Variants in CD36 observed in about 807,000 individuals in gnomAD.
The protein encoded by CD36 is platelet glycoprotein 4.
CD36 carries 119 observed loss-of-function variants against 55.2 expected under a neutral mutation model. The ratio of observed to expected loss-of-function variants is 2.15; its 90% confidence interval spans 1.86 to 2.51. The LOEUF is 2.51. CD36 is among the 30% of genes most tolerant of loss of function. The pLI is 0.00. For missense variants in CD36, 819 were observed against 555.5 expected, an observed-to-expected ratio of 1.47 and a Z score of -4.77; for synonymous variants, 186 against 193.6, an observed-to-expected ratio of 0.96 and a Z score of 0.33.
chr7:80,634,844 C>T (rs1003450775), upstream of CD36, among the ~76,000 whole-genome samples: 16 of 151,586 alleles, frequency 1.1e-4, no homozygotes, highest in African/African-American at 3.9e-4. Flanking sequence ...GCTTTCAAAG[C>T]ATGATACAAT....
chr7:80,631,675 T>C (rs2116107247), intron 1 of CD36, among the ~76,000 whole-genome samples: 1 of 152,018 alleles, frequency 6.6e-6, no homozygotes, highest in African/African-American at 2.4e-5. Flanking sequence ...TTATGTATTA[T>C]AGAATAGTAG....
rs1022838259 is a variant in CD36 at position 80,629,857 on chromosome 7, T to C, written c.-183-16231T>C. Among the ~76,000 whole-genome samples the C allele has an allele frequency of 8.6e-5, 13 of 151,338 alleles. No individual in the cohort carries two copies. In the East Asian group the frequency reaches 2.5e-3, roughly 30 times the overall value. ...TTGCCTATTTTTAGTTTAAATCTTA[T>C]TCACCTAGATTGTCTGGAGACTGAT... On this transcript the variant is annotated intron_variant, in intron 1 of 13. Transcript: ENST00000309881.
At chr7:80,663,405 A>G (rs1472801197) in intron 6 of CD36, among the ~76,000 whole-genome samples, 3 of 152,100 alleles carry the variant, frequency 2.0e-5, no homozygotes, top group African/African-American at 7.2e-5. Context: ...TAAGGTTTCT[A>G]CTCATTTATA....
At chr7:80,649,851 T>A (rs1464064291) in intron 3 of CD36, among the ~76,000 whole-genome samples, 1 of 151,862 alleles carries the variant, frequency 6.6e-6, no homozygotes, top group East Asian at 1.9e-4. Flanking sequence ...AATGATCTTA[T>A]ATGAAGAAAC....
chr7:80,674,001 G>T lies in CD36; in HGVS notation c.1273G>T (p.Glu425Ter), dbSNP rs543879836. ...WLNETGTIGD[E>*]KANMFRSQVT... ...ATTACAGACTGGGACCATTGGTGAT[G>T]AGAAGGCAAACATGTTCAGAAGTCA... The change falls in exon 14 of 15, where the codon GAG becomes TAG. Residue 425 changes from glutamate (E) to a stop codon, truncating the protein, a stop_gained. Transcript: ENST00000447544. LOFTEE classifies it high-confidence loss of function. 1 of 1,612,062 alleles carries T rather than the reference G, an allele frequency of 6.2e-7. No homozygotes were observed.
chr7:80,621,099 T>C (rs767611904), intron 1 of CD36, among the ~76,000 whole-genome samples: 1 of 152,206 alleles, frequency 6.6e-6, no homozygotes, highest in Non-Finnish European at 1.5e-5. Flanking sequence ...TCAGTAGCCA[T>C]CAATATCCAG....
intron 8 of CD36, among the ~76,000 whole-genome samples, chr7:80,667,027 T>G (rs368765791): frequency 1.3e-5 from 2 of 152,236 alleles, no homozygotes; most frequent in African/African-American, 2.4e-5. Flanking sequence ...ATGTAAAAAA[T>G]GAGCATTCAT....
In CD36 at chr7:80,673,889, T is replaced by C. The variant is rs3817556; in HGVS notation, c.1255-94T>C. On this transcript the variant is annotated intron_variant, in intron 13 of 14. Transcript: ENST00000447544. ...TATAGATACTGATGACTAACACCAATAGAGGTGTTAGAAAAAAGGGTGATA... is the reference window on the plus strand; with the variant it reads ...TATAGATACTGATGACTAACACCAACAGAGGTGTTAGAAAAAAGGGTGATA... The C allele has an allele frequency of 7.7e-3, 6,796 of 886,228 alleles. 399 individuals are homozygous for C. The East Asian group carries it at 0.13, about 17-fold the overall frequency. 54.9% of individuals were successfully genotyped at this position (886,228 alleles called of 1,614,324 possible). A position where few individuals can be genotyped will look rare whatever the true frequency, so the allele number is the denominator to read the frequency against.
At chr7:80,665,862 T>C (rs939732949) in intron 7 of CD36, 8 of 152,672 alleles carry the variant, frequency 5.2e-5, no homozygotes, top group African/African-American at 1.9e-4. Flanking sequence ...ATATAGCTTA[T>C]TTAGACAGCA....
upstream of CD36, among the ~76,000 whole-genome samples, chr7:80,635,012 A>G (rs1056360404): frequency 2.6e-5 from 4 of 152,148 alleles, no homozygotes; most frequent in African/African-American, 9.7e-5. Context: ...GGACAAAGCA[A>G]TTTATGGAAA....
intron 9 of CD36, chr7:80,670,507 T>C (rs528955972): frequency 4.6e-6 from 1 of 219,590 alleles, no homozygotes. Context: ...TATTTCTTCA[T>C]ATACGTGTAT....
chr7:80,659,698 C>T (rs537917365), intron 4 of CD36, among the ~76,000 whole-genome samples: 33 of 152,072 alleles, frequency 2.2e-4, no homozygotes, highest in Middle Eastern at 3.4e-3. Context: ...CTTTAGGTAA[C>T]GTGACAATTA....
At chr7:80,670,788 G>A (rs1009857210) in intron 9 of CD36, 189 bp from the exon 10 acceptor site, 2 of 588,618 alleles carry the variant, frequency 3.4e-6, no homozygotes, top group African/African-American at 1.9e-5. Flanking sequence ...TCACAAACAA[G>A]AATAGTTCAT....
At chr7:80,616,182 T>C (rs926640499) in intron 1 of CD36, among the ~76,000 whole-genome samples, 2 of 152,164 alleles carry the variant, frequency 1.3e-5, no homozygotes, top group Admixed American at 1.3e-4. Context: ...TTAATACATC[T>C]AATCTACTGG....
chr7:80,643,842 T>C (rs550422859), intron 1 of CD36, among the ~76,000 whole-genome samples: 1 of 152,310 alleles, frequency 6.6e-6, no homozygotes, highest in South Asian at 2.1e-4. Context: ...GGTTTAATCT[T>C]GTCCCTTCAT....
chr7:80,612,453 C>T (rs1161566350), intron 1 of CD36, among the ~76,000 whole-genome samples: 1 of 152,112 alleles, frequency 6.6e-6, no homozygotes, highest in African/African-American at 2.4e-5. Flanking sequence ...ATTTTAATAA[C>T]TCAAAGCTTC....
chr7:80,632,813 T>C (rs1222991784), intron 1 of CD36, among the ~76,000 whole-genome samples: 1 of 151,982 alleles, frequency 6.6e-6, no homozygotes, highest in Non-Finnish European at 1.5e-5. Context: ...AAGACTCCAC[T>C]TTAGGGACCA....
chr7:80,666,522 A>T, intron 8 of CD36, 33 bp downstream of exon 8: 1 of 1,517,464 alleles, frequency 6.6e-7, no homozygotes, highest in Non-Finnish European at 9.2e-7. Context: ...CATCACAGTT[A>T]ATCCACCTCC....
At chr7:80,638,009 T>C (rs1794543452), upstream of CD36, among the ~76,000 whole-genome samples, 1 of 151,978 alleles carries the variant, frequency 6.6e-6, no homozygotes, top group Non-Finnish European at 1.5e-5. Flanking sequence ...GTTTATTTTT[T>C]GTAGGAGCAC....
Sources: allele counts gnomAD v4.1 joint callset (sites outside exome capture counted in the v4.1 genomes callset), GRCh38; gene constraint gnomAD v4.1.1; transcripts MANE v1.5; gene names NCBI Gene and HGNC (gene_info 2026-07-23, HGNC 2026-07-21).